Variants in NOS1 observed in about 807,000 individuals in gnomAD.
The protein encoded by NOS1 is nitric oxide synthase 1.
In NOS1, 51 loss-of-function variants were observed where a neutral mutation model predicts 164.5. The ratio of observed to expected loss-of-function variants is 0.31; its 90% CI spans 0.25 to 0.39. The LOEUF (loss-of-function observed/expected upper bound fraction) is 0.39. NOS1 is among the 10% of genes least tolerant of loss of function. The pLI, the probability that NOS1 is intolerant of heterozygous loss-of-function variation, is 1.00. For missense variants in NOS1, 1,362 were observed against 1,885.6 expected (o/e 0.72, Z 5.14); for synonymous variants, 719 against 745.8 (o/e 0.96, Z 0.59).
At chr12:117,260,704 A>C in intron 13 of NOS1, 95 bp from the exon 14 acceptor site, 1 of 1,340,216 alleles carries the variant, frequency 7.5e-7, no homozygotes, top group Non-Finnish European at 1.0e-6. Context: ...GGATCCATGA[A>C]ATATAACAGA....
chr12:117,337,405 C>T (rs558195784), intron 1 of NOS1, among the ~76,000 whole-genome samples: 12 of 152,236 alleles, frequency 7.9e-5, no homozygotes, highest in East Asian at 5.8e-4. Flanking sequence ...CTTGAGCCAC[C>T]GTGCCCGGCC....
chr12:117,214,874 C>T lies in NOS1; in HGVS notation c.*435G>A, dbSNP rs1450038201. 9.1e-6 allele frequency: 9 copies of T among 991,832 alleles called. No individual in the cohort carries two copies. Among genetic ancestry groups the T allele is most frequent in the East Asian group, 1.1e-4 (1 of 9,214 alleles). 61.4% of individuals were successfully genotyped at this position (991,832 alleles called of 1,614,324 possible). Reference sequence around the variant, plus strand: ...ACACACACACACACACACAGGCACGCACAACCAAAATGTCATCATAAAAAA... The same window carrying T: ...ACACACACACACACACACAGGCACGTACAACCAAAATGTCATCATAAAAAA... On this transcript the variant is annotated 3_prime_UTR_variant, in exon 29 of 29. Transcript: ENST00000317775.
At chr12:117,332,818 T>G (rs1875612578) in intron 1 of NOS1, among the ~76,000 whole-genome samples, 1 of 152,074 alleles carries the variant, frequency 6.6e-6, no homozygotes, top group African/African-American at 2.4e-5. Context: ...TGAGCTGAGA[T>G]TACGCCATTG....
intron 1 of NOS1, among the ~76,000 whole-genome samples, chr12:117,360,874 C>G (rs3782222): frequency 0.11 from 16,774 of 152,286 alleles, 1,013 homozygotes; most frequent in Non-Finnish European, 0.13. Flanking sequence ...GCCATTACCG[C>G]CAGCGCACAG....
In NOS1 at chr12:117,208,254, C is replaced by A; in HGVS notation, c.*7055G>T. ...ATACAGAAGAAGAGCATGCGACAAA[C>A]ACAGCCTGGACAACCTCGCAAAGAG... On this transcript the variant is annotated 3_prime_UTR_variant, in exon 29 of 29. Transcript: ENST00000317775. The A allele has an allele frequency of 7.8e-7, 1 of 1,281,020 alleles. No individual in the cohort carries two copies. The highest frequency in any genetic ancestry group is 2.3e-5 in the Admixed American group (1 of 43,326). 79.4% of individuals were successfully genotyped at this position (1,281,020 alleles called of 1,614,324 possible). A position where few individuals can be genotyped will look rare whatever the true frequency, so the allele number is the denominator to read the frequency against.
intron 13 of NOS1, among the ~76,000 whole-genome samples, chr12:117,263,628 G>A (rs1872124041): frequency 6.7e-6 from 1 of 149,698 alleles, no homozygotes; most frequent in Non-Finnish European, 1.5e-5. Flanking sequence ...TATTAGGAGG[G>A]CTGGTTCACC....
chr12:117,215,589 C>T (rs753168388), intron 28 of NOS1, among the ~76,000 whole-genome samples: 11 of 152,016 alleles, frequency 7.2e-5, no homozygotes, highest in African/African-American at 2.2e-4. Context: ...CCTGCCACCA[C>T]GCCCGGCTAA....
At chr12:117,305,306 C>CA (rs980741829) in intron 3 of NOS1, among the ~76,000 whole-genome samples, 12 of 151,814 alleles carry the variant, frequency 7.9e-5, no homozygotes, top group Non-Finnish European at 1.5e-4. Flanking sequence ...ACTAAAAATA[C>CA]AAAAAAAATT....
At chr12:117,265,278 G>A in intron 12 of NOS1, 38 bp downstream of exon 12, 1 of 1,492,302 alleles carries the variant, frequency 6.7e-7, no homozygotes, top group Non-Finnish European at 9.0e-7. Flanking sequence ...CCAGATACAG[G>A]ACACTTAATA....
rs1875517275 is a variant in NOS1 at position 117,330,966 on chromosome 12, C to T, written c.104G>A (p.Arg35Gln). 9.9e-6 allele frequency: 16 copies of T among 1,614,072 alleles called. No individual in the cohort carries two copies. The highest frequency in any genetic ancestry group is 1.3e-5 in the African/African-American group (1 of 74,924). The part of the protein sequence containing the change: ...VGGLGFLVKE[R>Q]VSKPPVIISD... ...GATGATCACGGGCGGCTTACTGACC[C>T]GCTCCTTCACCAGAAATCCCAGGCC... Residue 35 changes from arginine (R) to glutamine (Q), a missense_variant, in exon 2 of 29, where the codon CGG becomes CAG. Transcript: ENST00000317775. This position sits in a 1 kb window ranked among gnomAD's most constrained non-coding sequence, Gnocchi z 4.6.
intron 3 of NOS1, among the ~76,000 whole-genome samples, chr12:117,295,924 G>A (rs117657821): frequency 5.3e-5 from 8 of 151,822 alleles, no homozygotes; most frequent in Non-Finnish European, 1.2e-4. Context: ...CCACTGTGCC[G>A]GCTGTGATCA....
At position 117,213,531 on chromosome 12, in the gene NOS1, C is replaced by T. The variant is rs1956559045; in HGVS notation, c.*1778G>A. On this transcript the variant is annotated 3_prime_UTR_variant, in exon 29 of 29. Transcript: ENST00000317775. Reference sequence around the variant, plus strand: ...CCAGGGATGGCAGAGCAAGGTGAGTCATAGATTGCCTTTTCACTTTAACAG... The same window carrying T: ...CCAGGGATGGCAGAGCAAGGTGAGTTATAGATTGCCTTTTCACTTTAACAG... 4.1e-6 allele frequency: 4 copies of T among 985,304 alleles called. No individual in the cohort carries two copies. In the Admixed American group the frequency reaches 1.8e-4, roughly 45 times the overall value. The allele number at this position is 985,304 out of a possible 1,614,324, so 61.0% of individuals were successfully genotyped here.
chr12:117,259,991 C>A (rs979913356), intron 14 of NOS1, among the ~76,000 whole-genome samples: 1 of 151,800 alleles, frequency 6.6e-6, no homozygotes, highest in Non-Finnish European at 1.5e-5. Context: ...TGGTGGTGGG[C>A]GCCTGCAGTC....
At chr12:117,238,748 C>A (rs1869925511) in intron 20 of NOS1, among the ~76,000 whole-genome samples, 1 of 152,134 alleles carries the variant, frequency 6.6e-6, no homozygotes, top group Non-Finnish European at 1.5e-5. Flanking sequence ...AACTCCTGAC[C>A]TCATGATCCG....
At chr12:117,345,879 A>C (rs1178148091) in intron 1 of NOS1, among the ~76,000 whole-genome samples, 5 of 152,238 alleles carry the variant, frequency 3.3e-5, no homozygotes, top group Non-Finnish European at 7.3e-5. Flanking sequence ...ACAAAAAAAC[A>C]ACCACCTGTG....
At position 117,214,097 on chromosome 12, in the gene NOS1, G is replaced by A. The variant is rs1208581965; in HGVS notation, c.*1212C>T. On this transcript the variant is annotated 3_prime_UTR_variant, in exon 29 of 29. Transcript: ENST00000317775. The stretch of plus-strand genomic sequence containing the variant: ...TTGTGGCTCCTATCGAAGAAGCCAC[G>A]TGGGACCTCATTATGGCAACTCTTT... 8.1e-6 allele frequency: 8 copies of A among 985,282 alleles called. No homozygotes were observed. Among genetic ancestry groups the A allele is most frequent in the African/African-American group, 5.2e-5 (3 of 57,236 alleles). 61.0% of individuals were successfully genotyped at this position (985,282 alleles called of 1,614,324 possible).
rs63146860 is a variant in NOS1 at position 117,212,075 on chromosome 12, TA to T, written c.*3233del. 495,173 of 953,074 alleles carry T rather than the reference TA, an allele frequency of 0.52. 127,003 individuals carry two copies. The highest frequency in any genetic ancestry group is 0.55 in the Non-Finnish European group (444,296 of 803,352). 59.0% of individuals were successfully genotyped at this position (953,074 alleles called of 1,614,324 possible). A position where few individuals can be genotyped will look rare whatever the true frequency, so the allele number is the denominator to read the frequency against. On this transcript the variant is annotated 3_prime_UTR_variant, in exon 29 of 29. Transcript: ENST00000317775. ...AGCAAGACTCTGTCAAAAAAAAAAA[TA>T]GATTCTAACCTTCTGCACGAGAGGA...
At chr12:117,338,811 AAG>A (rs1424836499) in intron 1 of NOS1, among the ~76,000 whole-genome samples, 1 of 152,172 alleles carries the variant, frequency 6.6e-6, no homozygotes, top group African/African-American at 2.4e-5. Context: ...AATAATATCA[AAG>A]AAAACAAAAC....
chr12:117,316,087 A>C (rs1874654233), intron 2 of NOS1, among the ~76,000 whole-genome samples: 1 of 152,184 alleles, frequency 6.6e-6, no homozygotes, highest in South Asian at 2.1e-4. Flanking sequence ...CTAAATTTTA[A>C]ATTTTATTTA....
Sources: gnomAD v4.1 joint callset for allele counts (sites outside exome capture counted in the v4.1 genomes callset) on GRCh38, gnomAD v4.1.1 for gene constraint, Gnocchi (gnomAD v3.1) non-coding constraint, MANE v1.5 for transcripts, NCBI Gene and HGNC (gene_info 2026-07-23, HGNC 2026-07-21) for gene names.